Variants in ABTB3 observed in about 807,000 individuals in gnomAD.
ABTB3 encodes ankyrin repeat and BTB domain containing 3.
At chr12:107,330,557 C>T in the ABTB3 span, among the ~76,000 whole-genome samples, 1 of 152,194 alleles carries the variant, frequency 6.6e-6, no homozygotes, top group Non-Finnish European at 1.5e-5. Flanking sequence ...TGGTTTAACG[C>T]TCACATTTTA....
chr12:107,412,033 A>T, the ABTB3 span, among the ~76,000 whole-genome samples: 1 of 152,286 alleles, frequency 6.6e-6, no homozygotes, highest in African/African-American at 2.4e-5. Flanking sequence ...CCCTGACTCA[A>T]CCTGAAGGAT....
At chr12:107,527,506 G>A in the ABTB3 span, among the ~76,000 whole-genome samples, 6 of 151,994 alleles carry the variant, frequency 3.9e-5, no homozygotes, top group South Asian at 2.1e-4. Context: ...TCTTGAGCTC[G>A]AGCATTCTGC....
the ABTB3 span, among the ~76,000 whole-genome samples, chr12:107,335,067 C>T: frequency 6.6e-6 from 1 of 151,886 alleles, no homozygotes; most frequent in Non-Finnish European, 1.5e-5. Flanking sequence ...GGGAGGATTG[C>T]TTGAGGCCAG....
the ABTB3 span, among the ~76,000 whole-genome samples, chr12:107,403,015 C>T: frequency 1.3e-5 from 2 of 152,228 alleles, no homozygotes; most frequent in Non-Finnish European, 2.9e-5. Flanking sequence ...ATGGATCCTG[C>T]TCCTTCTTCT....
the ABTB3 span, chr12:107,320,495 G>T: frequency 2.2e-6 from 1 of 448,062 alleles, no homozygotes; most frequent in African/African-American, 2.0e-5. Flanking sequence ...GACTTGGGAG[G>T]AGGCGCGTTC....
the ABTB3 span, among the ~76,000 whole-genome samples, chr12:107,605,042 C>T: frequency 1.3e-5 from 2 of 152,162 alleles, no homozygotes; most frequent in Admixed American, 6.5e-5. Flanking sequence ...GCAATCTCAC[C>T]ATAAATAAAT....
the ABTB3 span, among the ~76,000 whole-genome samples, chr12:107,508,452 T>G: frequency 0.11 from 13,263 of 118,974 alleles, 804 homozygotes; most frequent in African/African-American, 0.14. Flanking sequence ...TTTTTTTTTT[T>G]TTTTTTTTTT....
the ABTB3 span, among the ~76,000 whole-genome samples, chr12:107,402,562 A>G: frequency 6.6e-6 from 1 of 152,138 alleles, no homozygotes; most frequent in African/African-American, 2.4e-5. Flanking sequence ...CTGGCCTGCA[A>G]ATGGCTTCCT....
At chr12:107,481,883 G>GTC in the ABTB3 span, among the ~76,000 whole-genome samples, 7,314 of 108,166 alleles carry the variant, frequency 0.068, 255 homozygotes, top group East Asian at 0.12. Flanking sequence ...GAAATCAAGA[G>GTC]TCTCTCTCTC....
At chr12:107,561,838 T>C in the ABTB3 span, among the ~76,000 whole-genome samples, 1 of 152,192 alleles carries the variant, frequency 6.6e-6, no homozygotes, top group Non-Finnish European at 1.5e-5. Context: ...CTACATTTTT[T>C]CACCTGATTC....
chr12:107,322,601 C>T, the ABTB3 span, among the ~76,000 whole-genome samples: 2 of 149,766 alleles, frequency 1.3e-5, no homozygotes, highest in Admixed American at 1.3e-4. Context: ...ATTTGTTTAT[C>T]GAAACTTATT....
chr12:107,451,740 C>T, the ABTB3 span, among the ~76,000 whole-genome samples: 1 of 152,038 alleles, frequency 6.6e-6, no homozygotes, highest in African/African-American at 2.4e-5. Flanking sequence ...CCCAGTTTTA[C>T]ATAGTCTCTC....
the ABTB3 span, among the ~76,000 whole-genome samples, chr12:107,407,518 C>T: frequency 2.0e-5 from 3 of 152,210 alleles, no homozygotes; most frequent in Non-Finnish European, 2.9e-5. Context: ...CTTCTCATGG[C>T]GCTGCAGAAG....
At chr12:107,409,647 A>T in the ABTB3 span, among the ~76,000 whole-genome samples, 2 of 152,196 alleles carry the variant, frequency 1.3e-5, no homozygotes, top group Non-Finnish European at 2.9e-5. Context: ...GTGGGAGCTG[A>T]ACAATGAGAA....
the ABTB3 span, among the ~76,000 whole-genome samples, chr12:107,513,401 T>A: frequency 6.6e-6 from 1 of 152,082 alleles, no homozygotes; most frequent in Non-Finnish European, 1.5e-5. Context: ...GTTTCCCCCA[T>A]GTTGTTCTCC....
At chr12:107,481,174 T>C in the ABTB3 span, among the ~76,000 whole-genome samples, 1 of 152,056 alleles carries the variant, frequency 6.6e-6, no homozygotes, top group South Asian at 2.1e-4. Context: ...AAACCCTGCT[T>C]TGGAGGAAAA....
At chr12:107,572,342 G>A in the ABTB3 span, among the ~76,000 whole-genome samples, 1 of 151,772 alleles carries the variant, frequency 6.6e-6, no homozygotes, top group Non-Finnish European at 1.5e-5. Context: ...TGGACTTCTG[G>A]CCTCCAGAGC....
chr12:107,586,006 A>G, the ABTB3 span, among the ~76,000 whole-genome samples: 1 of 152,208 alleles, frequency 6.6e-6, no homozygotes, highest in African/African-American at 2.4e-5. Context: ...GCAGATGGTA[A>G]ACAATAGCAG....
the ABTB3 span, among the ~76,000 whole-genome samples, chr12:107,398,018 C>G: frequency 6.6e-6 from 1 of 152,128 alleles, no homozygotes; most frequent in Non-Finnish European, 1.5e-5. Context: ...AAGAAAAGCC[C>G]AGGCTGCTAT....
Sources: allele counts gnomAD v4.1 joint callset (sites outside exome capture counted in the v4.1 genomes callset), GRCh38; gene constraint gnomAD v4.1.1; transcripts MANE v1.5; gene names NCBI Gene and HGNC (gene_info 2026-07-23, HGNC 2026-07-21).